FGF1: variants seen among roughly 807,000 people sequenced by gnomAD.
FGF1 encodes fibroblast growth factor 1.
A neutral mutation model predicts 13.4 loss-of-function variants in FGF1; 9 were observed. That is an observed-to-expected ratio of 0.67 (90% CI 0.40 to 1.17). The LOEUF is 1.17. Among genes scored for constraint, FGF1 ranks in the 50% most tolerant of loss-of-function variants. The pLI, the probability that FGF1 is intolerant of heterozygous loss-of-function variation, is 0.01. For synonymous variants in FGF1, 93 were observed against 79.0 expected (o/e 1.18, Z -0.94); for missense variants, 156 against 192.7 (o/e 0.81, Z 1.13).
intron 1 of FGF1, among the ~76,000 whole-genome samples, chr5:142,636,023 T>C (rs1175625382): frequency 6.6e-6 from 1 of 152,250 alleles, no homozygotes; most frequent in Non-Finnish European, 1.5e-5. Flanking sequence ...TGAATTACTG[T>C]TTGTTGCTGC....
At chr5:142,606,795 T>C (rs1757794556) in intron 2 of FGF1, among the ~76,000 whole-genome samples, 1 of 152,200 alleles carries the variant, frequency 6.6e-6, no homozygotes. Context: ...TCATCCTAAC[T>C]CTATTTCTTT....
At chr5:142,623,347 CT>C (rs34106306) in intron 1 of FGF1, among the ~76,000 whole-genome samples, 41,094 of 144,586 alleles carry the variant, frequency 0.28, 5,551 homozygotes, top group East Asian at 0.38. Context: ...CCTTTTGACA[CT>C]TTTTTTTTTT....
At chr5:142,694,679 A>G (rs1195255743) in intron 2 of FGF1, among the ~76,000 whole-genome samples, 1 of 152,208 alleles carries the variant, frequency 6.6e-6, no homozygotes, top group Non-Finnish European at 1.5e-5. Flanking sequence ...GCCATAATGT[A>G]CTGACCGGCA....
At chr5:142,617,419 A>T (rs1760491067) in intron 1 of FGF1, among the ~76,000 whole-genome samples, 1 of 152,092 alleles carries the variant, frequency 6.6e-6, no homozygotes, top group Non-Finnish European at 1.5e-5. Context: ...TGTATGAGCC[A>T]TGCAGCCCAG....
chr5:142,670,852 G>A (rs1397012640), intron 1 of FGF1, among the ~76,000 whole-genome samples: 1 of 152,256 alleles, frequency 6.6e-6, no homozygotes, highest in African/African-American at 2.4e-5. Flanking sequence ...TTTCGGTTTT[G>A]AGAGCACACT....
chr5:142,671,157 T>C (rs569650515), intron 1 of FGF1, among the ~76,000 whole-genome samples: 1 of 152,386 alleles, frequency 6.6e-6, no homozygotes, highest in South Asian at 2.1e-4. Context: ...ATGAACATAC[T>C]GTTTTATTCC....
intron 1 of FGF1, among the ~76,000 whole-genome samples, chr5:142,664,353 G>A (rs1211737494): frequency 1.3e-5 from 2 of 152,178 alleles, no homozygotes; most frequent in Non-Finnish European, 2.9e-5. Context: ...GCTCCCTAGC[G>A]CCGTGTCACT....
intron 1 of FGF1, among the ~76,000 whole-genome samples, chr5:142,629,893 A>ATTTTT (rs1229121020): frequency 3.3e-5 from 4 of 120,088 alleles, no homozygotes; most frequent in Non-Finnish European, 7.0e-5. Context: ...ATATATATAT[A>ATTTTT]TATTTTTTTT....
chr5:142,650,399 C>T (rs540869283), intron 1 of FGF1, among the ~76,000 whole-genome samples: 1 of 152,194 alleles, frequency 6.6e-6, no homozygotes, highest in African/African-American at 2.4e-5. Flanking sequence ...CTGGCCTCAC[C>T]ACTCACTTAG....
chr5:142,689,389 G>A (rs565133262), upstream of FGF1, among the ~76,000 whole-genome samples: 1 of 152,292 alleles, frequency 6.6e-6, no homozygotes, highest in South Asian at 2.1e-4. Context: ...CGATGACAGA[G>A]GGCAATGGGA....
At chr5:142,693,455 C>T (rs1291694047) in intron 2 of FGF1, among the ~76,000 whole-genome samples, 1 of 151,922 alleles carries the variant, frequency 6.6e-6, no homozygotes, top group East Asian at 1.9e-4. Context: ...CCACACCCGG[C>T]TAATTTTTGT....
upstream of FGF1, among the ~76,000 whole-genome samples, chr5:142,690,636 C>G (rs1299078554): frequency 6.6e-6 from 1 of 152,234 alleles, no homozygotes; most frequent in Non-Finnish European, 1.5e-5. Flanking sequence ...CACCAAATTT[C>G]TTGCCTGGAG....
chr5:142,693,614 C>T (rs1410910371), intron 2 of FGF1, among the ~76,000 whole-genome samples: 2 of 152,180 alleles, frequency 1.3e-5, no homozygotes, highest in African/African-American at 2.4e-5. Context: ...AGTTGTGCGG[C>T]CATCACAACT....
At chr5:142,697,342 C>T (rs1447504271) in intron 2 of FGF1, among the ~76,000 whole-genome samples, 1 of 152,182 alleles carries the variant, frequency 6.6e-6, no homozygotes. Context: ...TGGATCTCAG[C>T]AAAGATAATT....
chr5:142,598,505 A>C (rs1243970559), intron 3 of FGF1, among the ~76,000 whole-genome samples: 1 of 152,164 alleles, frequency 6.6e-6, no homozygotes, highest in African/African-American at 2.4e-5. Flanking sequence ...TTACTGTAAA[A>C]AAAAAATTGG....
chr5:142,643,102 C>G (rs1442755082), intron 1 of FGF1, among the ~76,000 whole-genome samples: 5 of 152,172 alleles, frequency 3.3e-5, no homozygotes. Flanking sequence ...CAGGAGGCTC[C>G]ATGGCTTCTG....
chr5:142,686,837 G>T (rs1249062290), upstream of FGF1, among the ~76,000 whole-genome samples: 1 of 152,186 alleles, frequency 6.6e-6, no homozygotes, highest in Non-Finnish European at 1.5e-5. Flanking sequence ...TGTCCCCGTT[G>T]GATGAGGTGA....
chr5:142,652,427 G>A (rs1597335722), intron 1 of FGF1, among the ~76,000 whole-genome samples: 1 of 152,270 alleles, frequency 6.6e-6, no homozygotes, highest in East Asian at 1.9e-4. Context: ...CTTGGGTGAT[G>A]GAGGCTCTGC....
intron 1 of FGF1, among the ~76,000 whole-genome samples, chr5:142,668,660 C>A (rs764358583): frequency 6.6e-6 from 1 of 152,208 alleles, no homozygotes; most frequent in East Asian, 1.9e-4. Context: ...ACCTACCTCA[C>A]GTGTTTGTCA....
Sources: allele counts gnomAD v4.1 joint callset (sites outside exome capture counted in the v4.1 genomes callset), GRCh38; gene constraint gnomAD v4.1.1; transcripts MANE v1.5; gene names NCBI Gene and HGNC (gene_info 2026-07-23, HGNC 2026-07-21).